PPM1L: variants seen among roughly 807,000 people sequenced by gnomAD.
PPM1L encodes protein phosphatase 1L.
Under a neutral mutation model 31.4 loss-of-function variants are expected in PPM1L, and 13 were observed. The ratio of observed to expected loss-of-function variants is 0.41; its 90% CI spans 0.27 to 0.66. The LOEUF (loss-of-function observed/expected upper bound fraction) is 0.66, where lower values mean the gene tolerates loss of function less well. Among genes scored for constraint, PPM1L ranks in the 30% least tolerant of loss-of-function variants. The probability of loss-of-function intolerance (pLI) is 0.29; values close to 1 mark genes in which losing one functional copy is unlikely to be tolerated. For missense variants in PPM1L, 326 were observed against 453.7 expected (o/e 0.72, Z 2.56); for synonymous variants, 184 against 175.4 (o/e 1.05, Z -0.39).
intron 1 of PPM1L, among the ~76,000 whole-genome samples, chr3:160,809,690 A>G (rs1447215125): frequency 6.6e-6 from 1 of 151,940 alleles, no homozygotes; most frequent in Non-Finnish European, 1.5e-5. Flanking sequence ...GCTTGCTCTT[A>G]CCATCTCTCC....
intron 2 of PPM1L, among the ~76,000 whole-genome samples, chr3:160,978,137 TA>T (rs1287665311): frequency 1.6e-4 from 24 of 152,186 alleles, no homozygotes; most frequent in Non-Finnish European, 3.2e-4. Context: ...AAATGCTGCT[TA>T]AGCCCAGGTA....
intron 1 of PPM1L, among the ~76,000 whole-genome samples, chr3:160,913,526 A>C (rs1227672972): frequency 6.6e-6 from 1 of 152,094 alleles, no homozygotes. Context: ...AATTACTCCA[A>C]AATGTTTCTT....
At chr3:160,810,111 A>G (rs898582128) in intron 1 of PPM1L, among the ~76,000 whole-genome samples, 2 of 151,650 alleles carry the variant, frequency 1.3e-5, no homozygotes, top group Non-Finnish European at 1.5e-5. Context: ...TGATATTACT[A>G]TGCCCTTCAT....
intron 1 of PPM1L, among the ~76,000 whole-genome samples, chr3:160,844,491 C>CTA (rs982164484): frequency 1.1e-4 from 17 of 151,922 alleles, no homozygotes; most frequent in African/African-American, 3.4e-4. Context: ...TAGCACAATG[C>CTA]TATATATATA....
At chr3:160,901,174 C>G (rs1254359379) in intron 1 of PPM1L, among the ~76,000 whole-genome samples, 1 of 152,156 alleles carries the variant, frequency 6.6e-6, no homozygotes, top group African/African-American at 2.4e-5. Context: ...AAGTTTACAT[C>G]TTTAGCTCAG....
At chr3:160,810,256 C>A (rs1258258828) in intron 1 of PPM1L, among the ~76,000 whole-genome samples, 1 of 152,022 alleles carries the variant, frequency 6.6e-6, no homozygotes, top group Non-Finnish European at 1.5e-5. Context: ...TCCTGTCCCT[C>A]AAGAGGTGAT....
chr3:160,943,045 G>A (rs914553548), intron 1 of PPM1L, among the ~76,000 whole-genome samples: 1 of 152,018 alleles, frequency 6.6e-6, no homozygotes, highest in East Asian at 1.9e-4. Context: ...CAAAACTCAT[G>A]TACCTTTCTC....
At chr3:160,781,209 C>A (rs1042973372) in intron 1 of PPM1L, among the ~76,000 whole-genome samples, 1 of 152,120 alleles carries the variant, frequency 6.6e-6, no homozygotes, top group African/African-American at 2.4e-5. Context: ...AATGGTTTTT[C>A]TTTTAGTGAT....
intron 2 of PPM1L, among the ~76,000 whole-genome samples, chr3:160,968,486 A>G (rs1264366445): frequency 6.6e-6 from 1 of 152,228 alleles, no homozygotes; most frequent in Non-Finnish European, 1.5e-5. Flanking sequence ...CAAAGGGTTA[A>G]AATACCAAGA....
At chr3:160,810,113 G>A (rs936592785) in intron 1 of PPM1L, among the ~76,000 whole-genome samples, 1 of 151,688 alleles carries the variant, frequency 6.6e-6, no homozygotes, top group African/African-American at 2.4e-5. Flanking sequence ...ATATTACTAT[G>A]CCCTTCATAT....
intron 1 of PPM1L, among the ~76,000 whole-genome samples, chr3:160,854,335 C>T (rs953083360): frequency 6.6e-6 from 1 of 151,974 alleles, no homozygotes; most frequent in African/African-American, 2.4e-5. Flanking sequence ...TTTTCCTAGT[C>T]CTTGTGTAAA....
At chr3:161,057,720 G>A (rs951596764) in intron 2 of PPM1L, among the ~76,000 whole-genome samples, 3 of 151,950 alleles carry the variant, frequency 2.0e-5, no homozygotes, top group African/African-American at 7.3e-5. Flanking sequence ...AGCCATTTTC[G>A]TTGCTGAGGA....
intron 1 of PPM1L, among the ~76,000 whole-genome samples, chr3:160,863,933 G>GA (rs935461291): frequency 6.6e-6 from 1 of 151,994 alleles, no homozygotes; most frequent in Non-Finnish European, 1.5e-5. Flanking sequence ...ATTTGAGATG[G>GA]AAAAAAACAT....
intron 2 of PPM1L, among the ~76,000 whole-genome samples, chr3:161,031,526 A>G: frequency 5.9e-5 from 2 of 34,168 alleles, no homozygotes; most frequent in Non-Finnish European, 9.4e-5. Flanking sequence ...TTTGAGAGAG[A>G]GTCTCACTCT....
At position 160,995,569 on chromosome 3, in the gene PPM1L, C is replaced by T. The variant is rs1224065031; in HGVS notation, c.574+33659C>T. ...CTCCTGTCCCCAGGTGATCCACCTG[C>T]CTCAACCTCCCCAAGTGCTGGGATT... On this transcript the variant is annotated intron_variant, in intron 2 of 3. Coordinates refer to ENST00000498165, the MANE Select transcript of PPM1L (RefSeq NM_139245.4). Among the ~76,000 whole-genome samples the T allele has an allele frequency of 2.6e-5, 4 of 152,192 alleles. No individual in the cohort carries two copies. The East Asian group carries it at 7.7e-4, about 29-fold the overall frequency.
At chr3:160,995,653 G>A (rs2108047462) in intron 2 of PPM1L, among the ~76,000 whole-genome samples, 2 of 152,244 alleles carry the variant, frequency 1.3e-5, no homozygotes, top group Non-Finnish European at 2.9e-5. Flanking sequence ...TGGAAGAGAT[G>A]ATGGCATATT....
intron 2 of PPM1L, among the ~76,000 whole-genome samples, chr3:160,992,592 T>C (rs1302614716): frequency 2.6e-5 from 4 of 152,360 alleles, no homozygotes; most frequent in African/African-American, 9.6e-5. Flanking sequence ...GTCAAAAGCC[T>C]TTCTCTTCCT....
intron 1 of PPM1L, among the ~76,000 whole-genome samples, chr3:160,816,840 T>C (rs1175507995): frequency 6.6e-6 from 1 of 152,114 alleles, no homozygotes; most frequent in East Asian, 1.9e-4. Context: ...CTGAGAACCT[T>C]GGACAATGGT....
At chr3:160,845,910 C>T (rs1714060623) in intron 1 of PPM1L, among the ~76,000 whole-genome samples, 3 of 151,926 alleles carry the variant, frequency 2.0e-5, no homozygotes, top group Non-Finnish European at 4.4e-5. Flanking sequence ...AGGGATCTTC[C>T]ACTTTATTTA....
Sources: gnomAD v4.1 joint callset for allele counts (sites outside exome capture counted in the v4.1 genomes callset) on GRCh38, gnomAD v4.1.1 for gene constraint, MANE v1.5 for transcripts, NCBI Gene and HGNC (gene_info 2026-07-23, HGNC 2026-07-21) for gene names.